LARGE1: variants seen among roughly 807,000 people sequenced by gnomAD.
LARGE1 encodes the protein xylosyl- and glucuronyltransferase LARGE1.
In LARGE1, 43 loss-of-function variants were observed where a neutral mutation model predicts 87.6. That is an observed-to-expected ratio of 0.49 (90% CI 0.38 to 0.63). LARGE1 has a LOEUF of 0.63. Among genes scored for constraint, LARGE1 ranks in the 30% least tolerant of loss-of-function variants. The pLI is 0.00. For missense variants in LARGE1, 802 were observed against 1,000.2 expected (o/e 0.80, Z 2.67); for synonymous variants, 434 against 394.6 (o/e 1.10, Z -1.18).
At chr22:33,902,262 C>G (rs954581955) in intron 1 of LARGE1, among the ~76,000 whole-genome samples, 5 of 152,222 alleles carry the variant, frequency 3.3e-5, no homozygotes, top group Non-Finnish European at 7.3e-5. Flanking sequence ...GCGTGCCCAG[C>G]AGAGCTCTTG....
At chr22:33,630,077 T>C (rs2080056760) in intron 3 of LARGE1, among the ~76,000 whole-genome samples, 1 of 152,132 alleles carries the variant, frequency 6.6e-6, no homozygotes, top group African/African-American at 2.4e-5. Context: ...CGTGTGCCTA[T>C]AATCCCAGCT....
At chr22:33,430,905 T>C (rs1368077020) in intron 7 of LARGE1, among the ~76,000 whole-genome samples, 3 of 149,882 alleles carry the variant, frequency 2.0e-5, no homozygotes, top group South Asian at 4.2e-4. Context: ...CTGATCCCAC[T>C]ACAGACTGGC....
At chr22:33,916,729 A>G (rs908336085) in intron 1 of LARGE1, among the ~76,000 whole-genome samples, 1 of 152,138 alleles carries the variant, frequency 6.6e-6, no homozygotes, top group Non-Finnish European at 1.5e-5. Context: ...CATCTTGTTC[A>G]CGGACCGTAA....
chr22:33,693,827 TA>T (rs894847994), intron 2 of LARGE1, among the ~76,000 whole-genome samples: 78 of 149,814 alleles, frequency 5.2e-4, no homozygotes, highest in African/African-American at 1.9e-3. Context: ...CTGTCTCTAT[TA>T]AAAAAAGAAA....
Position 33,668,401 on chromosome 22 carries a change from T to G in LARGE1, c.107-17733A>C, listed in dbSNP as rs770791853. ...CCACTGAGCACTTACCTTGTGATAC[T>G]GTCGAATAAATGAGATGAAGCACTA... On this transcript the variant is annotated intron_variant, in intron 2 of 14. Transcript: ENST00000397394. Among the ~76,000 whole-genome samples, 156 of 152,314 alleles carry G rather than the reference T, an allele frequency of 1.0e-3. 1 individual carries two copies. The highest frequency in any genetic ancestry group is 7.5e-4 in the Non-Finnish European group (51 of 68,020).
intron 1 of LARGE1, among the ~76,000 whole-genome samples, chr22:33,810,246 A>T (rs2146164423): frequency 6.6e-6 from 1 of 152,346 alleles, no homozygotes; most frequent in Middle Eastern, 3.4e-3. Context: ...GTTTACACTG[A>T]CCAAGATCAT....
chr22:33,722,920 G>GT (rs1359518798), intron 2 of LARGE1, among the ~76,000 whole-genome samples: 2 of 152,162 alleles, frequency 1.3e-5, no homozygotes, highest in African/African-American at 4.8e-5. Context: ...GGGGTGAGCT[G>GT]TTTTGATGAC....
At chr22:33,125,447 A>ATTT in the LARGE1 span, among the ~76,000 whole-genome samples, 77 of 144,268 alleles carry the variant, frequency 5.3e-4, no homozygotes, top group Admixed American at 2.8e-3. Flanking sequence ...CCTGCTTTCA[A>ATTT]TTTTTTTTTT....
the LARGE1 span, among the ~76,000 whole-genome samples, chr22:33,088,086 A>G: frequency 6.6e-6 from 1 of 152,098 alleles, no homozygotes; most frequent in Non-Finnish European, 1.5e-5. Flanking sequence ...ACACACACAC[A>G]TCATTGATAT....
chr22:33,537,568 T>C (rs1372686992), intron 6 of LARGE1, among the ~76,000 whole-genome samples: 1 of 152,078 alleles, frequency 6.6e-6, no homozygotes, highest in Non-Finnish European at 1.5e-5. Context: ...CAGGGTTTAT[T>C]TGTTTATTTG....
intron 2 of LARGE1, among the ~76,000 whole-genome samples, chr22:33,719,573 T>A (rs1414749811): frequency 6.6e-6 from 1 of 151,804 alleles, no homozygotes; most frequent in East Asian, 1.9e-4. Flanking sequence ...CAGGCTGGAG[T>A]GTAGTGGCAC....
chr22:33,755,956 A>AT (rs2084497551), intron 2 of LARGE1, among the ~76,000 whole-genome samples: 2 of 152,206 alleles, frequency 1.3e-5, no homozygotes, highest in Admixed American at 1.3e-4. Flanking sequence ...TTAGGGGAAA[A>AT]TGACATTGAA....
chr22:33,636,942 C>T (rs920176342), intron 3 of LARGE1, among the ~76,000 whole-genome samples: 4 of 152,134 alleles, frequency 2.6e-5, no homozygotes, highest in Non-Finnish European at 2.9e-5. Flanking sequence ...ATAATAATAA[C>T]AATTATAGTT....
At chr22:33,845,954 A>G (rs1018705346) in intron 1 of LARGE1, among the ~76,000 whole-genome samples, 5 of 152,238 alleles carry the variant, frequency 3.3e-5, no homozygotes, top group Non-Finnish European at 7.3e-5. Flanking sequence ...AACTTCATCT[A>G]AAATCCACAA....
rs541388869 is a variant in LARGE1, at chr22:33,854,720, T to C, written c.-83+65275A>G. Among the ~76,000 whole-genome samples, 58 of 152,256 alleles carry C rather than the reference T, an allele frequency of 3.8e-4. 1 individual carries two copies. In the South Asian group the frequency reaches 4.4e-3, roughly 11 times the overall value. ...ATTTAACAAAGACATTCTGTGTTAC[T>C]GGTCTGAAGAGACACAGAAGGAATC... On this transcript the variant is annotated intron_variant, in intron 1 of 14. Transcript: ENST00000397394.
intron 9 of LARGE1, among the ~76,000 whole-genome samples, chr22:33,371,477 T>G (rs1042159438): frequency 1.3e-5 from 2 of 152,196 alleles, no homozygotes; most frequent in Non-Finnish European, 1.5e-5. Context: ...TAATATTGGT[T>G]TAATAAAAAC....
intron 7 of LARGE1, among the ~76,000 whole-genome samples, chr22:33,388,763 C>T (rs977177460): frequency 2.6e-5 from 4 of 151,834 alleles, no homozygotes; most frequent in Non-Finnish European, 4.4e-5. Context: ...GATGGGGTTT[C>T]GCCATGTTGG....
chr22:33,712,702 T>A (rs1453635512), intron 2 of LARGE1, among the ~76,000 whole-genome samples: 1 of 144,546 alleles, frequency 6.9e-6, no homozygotes, highest in Non-Finnish European at 1.5e-5. Context: ...GTGGGTAGCA[T>A]GAAAAGCTGA....
chr22:33,620,519 C>G, intron 4 of LARGE1, among the ~76,000 whole-genome samples: 1 of 152,168 alleles, frequency 6.6e-6, no homozygotes, highest in East Asian at 1.9e-4. Context: ...GGGTAACAAA[C>G]AAACCTTTGT....
Sources: allele counts gnomAD v4.1 joint callset (sites outside exome capture counted in the v4.1 genomes callset), GRCh38; gene constraint gnomAD v4.1.1; transcripts MANE v1.5; gene names NCBI Gene and HGNC (gene_info 2026-07-23, HGNC 2026-07-21).